Variants in RPTOR observed in about 807,000 individuals in gnomAD.
The protein encoded by RPTOR is regulatory associated protein of MTOR complex 1, also known as regulatory-associated protein of mTOR.
In RPTOR, 21 loss-of-function variants were observed where a neutral mutation model predicts 169.9. The ratio of observed to expected loss-of-function variants is 0.12; its 90% confidence interval spans 0.09 to 0.18. The LOEUF (loss-of-function observed/expected upper bound fraction) is 0.18, where lower values mean the gene tolerates loss of function less well. Ranked by LOEUF, RPTOR falls within the 10% of genes least tolerant of loss-of-function variation. RPTOR has a pLI of 1.00. For synonymous variants in RPTOR, 732 were observed against 753.2 expected (o/e 0.97, Z 0.46); for missense variants, 1,133 against 1,855.9 (o/e 0.61, Z 7.16).
At chr17:80,950,453 C>T (rs559182383) in intron 28 of RPTOR, among the ~76,000 whole-genome samples, 2 of 151,958 alleles carry the variant, frequency 1.3e-5, no homozygotes, top group South Asian at 2.1e-4. Context: ...TCACGTGCCT[C>T]GGGACGTCAT....
At chr17:80,624,722 C>T (rs926357486) in intron 1 of RPTOR, among the ~76,000 whole-genome samples, 14 of 152,128 alleles carry the variant, frequency 9.2e-5, no homozygotes, top group Admixed American at 2.6e-4. Context: ...GTATCATATA[C>T]CAGAATAACA....
intron 6 of RPTOR, among the ~76,000 whole-genome samples, chr17:80,788,682 T>C (rs1374629099): frequency 6.6e-6 from 1 of 152,236 alleles, no homozygotes; most frequent in African/African-American, 2.4e-5. Flanking sequence ...ATTTATGATG[T>C]TCTTCCTCTG....
chr17:80,593,171 A>G (rs980817878), intron 1 of RPTOR: 1 of 152,924 alleles, frequency 6.5e-6, no homozygotes, highest in Non-Finnish European at 1.5e-5. Flanking sequence ...TGAGCTTGTC[A>G]CTTCAAGGAA....
chr17:80,746,280 CCACA>C lies in RPTOR; in HGVS notation c.655-7729_655-7726del. On this transcript the variant is annotated intron_variant, in intron 5 of 33. Transcript: ENST00000306801. The surrounding 1 kb of genome is among the most constrained non-coding windows in gnomAD (Gnocchi z 4.5). ...TTTCTGCGGGTGATCCCCACCGCCC[CCACA>C]GCGGTGCTTTCTGCGGGTGATCCCC... Among the ~76,000 whole-genome samples the C allele has an allele frequency of 1.5e-5, 2 of 135,150 alleles. No homozygotes were observed. The highest frequency in any genetic ancestry group is 2.6e-5 in the African/African-American group (1 of 39,096). The allele number at this position is 135,150 out of a possible 152,430, so 88.7% of individuals were successfully genotyped here.
intron 8 of RPTOR, 91 bp from the exon 9 acceptor site, chr17:80,822,988 T>C: frequency 1.4e-6 from 2 of 1,443,826 alleles, no homozygotes; most frequent in South Asian, 2.6e-5. Flanking sequence ...CCAACTTTAG[T>C]AATTTTTGAT....
intron 21 of RPTOR, among the ~76,000 whole-genome samples, chr17:80,917,036 A>C (rs1177871170): frequency 6.6e-6 from 1 of 152,144 alleles, no homozygotes; most frequent in African/African-American, 2.4e-5. Flanking sequence ...CCAGGAAAGC[A>C]TATTCCAAAG....
At chr17:80,678,382 A>G (rs2065874887) in intron 3 of RPTOR, among the ~76,000 whole-genome samples, 1 of 152,222 alleles carries the variant, frequency 6.6e-6, no homozygotes. Context: ...AGGCAGGCAG[A>G]TGGCTTGAGC....
At chr17:80,837,818 C>T in intron 9 of RPTOR, 104 bp from the exon 10 acceptor site, 1 of 1,086,536 alleles carries the variant, frequency 9.2e-7, no homozygotes, top group South Asian at 1.3e-5. Flanking sequence ...TCCGCCCAGA[C>T]CCTTGCTGCC....
At chr17:80,553,698 T>C (rs2084372113) in intron 1 of RPTOR, among the ~76,000 whole-genome samples, 3 of 152,252 alleles carry the variant, frequency 2.0e-5, no homozygotes, top group Admixed American at 1.3e-4. Flanking sequence ...GACCAGTGGA[T>C]TTTAATGTAA....
At position 80,726,745 on chromosome 17, in the gene RPTOR, T is replaced by C. The variant is rs1191703210; in HGVS notation, c.508-3815T>C. The stretch of plus-strand genomic sequence containing the variant: ...CAAGTTGTATTCAGATGCTGTTCGC[T>C]AAGCCCAGAACATTATAGGAGGTAA... On this transcript the variant is annotated intron_variant, in intron 4 of 33. Coordinates refer to ENST00000306801, the MANE Select transcript of RPTOR (RefSeq NM_020761.3). The surrounding 1 kb of genome is among the most constrained non-coding windows in gnomAD (Gnocchi z 4.5). 1.3e-5 allele frequency among the ~76,000 whole-genome samples: 2 copies of C among 152,136 alleles called. No individual in the cohort carries two copies. The highest frequency in any genetic ancestry group is 4.8e-5 in the African/African-American group (2 of 41,414).
At chr17:80,950,430 G>A (rs1045699501) in intron 28 of RPTOR, among the ~76,000 whole-genome samples, 2 of 152,168 alleles carry the variant, frequency 1.3e-5, no homozygotes, top group African/African-American at 4.8e-5. Context: ...CCTGTCCCGG[G>A]AGATGCCAAC....
Position 80,823,734 on chromosome 17 carries a change from G to A in RPTOR, c.1136+511G>A, listed in dbSNP as rs1242208570. Reference sequence around the variant, plus strand: ...TTGATTATAGTTCTCTCCCATTGCTGAGTTGCTACTATTTATACAACTCCT... The same window carrying A: ...TTGATTATAGTTCTCTCCCATTGCTAAGTTGCTACTATTTATACAACTCCT... On this transcript the variant is annotated intron_variant, in intron 9 of 33. Coordinates refer to ENST00000306801, the MANE Select transcript of RPTOR (RefSeq NM_020761.3). The surrounding 1 kb of genome is among the most constrained non-coding windows in gnomAD (Gnocchi z 4.5). 1 of 153,374 alleles carries A rather than the reference G, an allele frequency of 6.5e-6. No homozygotes were observed. The highest frequency in any genetic ancestry group is 1.4e-5 in the Non-Finnish European group (1 of 69,010). 9.5% of individuals were successfully genotyped at this position (153,374 alleles called of 1,614,324 possible).
chr17:80,751,891 A>G (rs4396582), intron 5 of RPTOR, among the ~76,000 whole-genome samples: 64,715 of 152,102 alleles, frequency 0.43, 14,439 homozygotes, highest in Non-Finnish European at 0.49. Context: ...CTGAAGCCTC[A>G]TTCTGTACCT....
chr17:80,872,953 G>A (rs538663269), intron 13 of RPTOR, among the ~76,000 whole-genome samples: 2 of 152,320 alleles, frequency 1.3e-5, no homozygotes, highest in East Asian at 1.9e-4. Flanking sequence ...GAGGGGATGG[G>A]GAGCCTGGTC....
At chr17:80,854,092 C>T (rs562094829) in intron 11 of RPTOR, among the ~76,000 whole-genome samples, 5 of 152,244 alleles carry the variant, frequency 3.3e-5, no homozygotes, top group Non-Finnish European at 7.4e-5. Flanking sequence ...AAGAAAAAGC[C>T]ACATTTTGAA....
chr17:80,740,722 CAAAA>C (rs113920656), intron 5 of RPTOR, among the ~76,000 whole-genome samples: 9 of 146,766 alleles, frequency 6.1e-5, no homozygotes, highest in African/African-American at 2.0e-4. Flanking sequence ...AGAAAACAAA[CAAAA>C]AAAAAACTTT....
In RPTOR at chr17:80,546,015, C is replaced by T. The variant is rs562735132; in HGVS notation, c.162+224C>T. Among the ~76,000 whole-genome samples the T allele has an allele frequency of 1.1e-4, 16 of 152,018 alleles. No individual in the cohort carries two copies. In the South Asian group the frequency reaches 3.3e-3, roughly 31 times the overall value. On this transcript the variant is annotated intron_variant, in intron 1 of 33. Transcript: ENST00000306801. ...CTGGGTAGTGTTAATTCAATTCCAA[C>T]TAAGTTCTAATTCAGATAATAAAAG...
At chr17:80,679,215 T>C (rs893671104) in intron 3 of RPTOR, among the ~76,000 whole-genome samples, 1 of 152,174 alleles carries the variant, frequency 6.6e-6, no homozygotes, top group Admixed American at 6.5e-5. Flanking sequence ...AGGTGGAGGT[T>C]GCAGTGAGCC....
At chr17:80,898,745 C>T (rs1043846768) in intron 20 of RPTOR, among the ~76,000 whole-genome samples, 5 of 146,856 alleles carry the variant, frequency 3.4e-5, no homozygotes, top group African/African-American at 7.6e-5. Flanking sequence ...CTGCTCACCC[C>T]GCCCCTGCTC....
Sources: allele counts gnomAD v4.1 joint callset (sites outside exome capture counted in the v4.1 genomes callset), GRCh38; gene constraint gnomAD v4.1.1; non-coding constraint Gnocchi (gnomAD v3.1); transcripts MANE v1.5; gene names NCBI Gene and HGNC (gene_info 2026-07-23, HGNC 2026-07-21).